Variants in CDC14A observed in about 807,000 individuals in gnomAD.
CDC14A encodes dual specificity protein phosphatase CDC14A.
CDC14A carries 53 observed loss-of-function variants against 74.4 expected under a neutral mutation model. The observed-to-expected ratio is 0.71, with a 90% CI of 0.57 to 0.89. CDC14A has a LOEUF of 0.89. Ranked by LOEUF, CDC14A falls within the 40% of genes least tolerant of loss-of-function variation. The probability of loss-of-function intolerance (pLI) is 0.00; values close to 1 mark genes in which losing one functional copy is unlikely to be tolerated. For synonymous variants in CDC14A, 247 were observed against 258.4 expected (o/e 0.96, Z 0.43); for missense variants, 646 against 713.7 (o/e 0.91, Z 1.08).
intron 6 of CDC14A, among the ~76,000 whole-genome samples, chr1:100,442,309 GTA>G (rs1413795753): frequency 6.9e-6 from 1 of 145,202 alleles, no homozygotes; most frequent in Non-Finnish European, 1.5e-5. Flanking sequence ...ATTATGTATT[GTA>G]TATATAAATA....
intron 8 of CDC14A, among the ~76,000 whole-genome samples, chr1:100,460,990 G>A (rs1030098446): frequency 2.0e-5 from 3 of 152,176 alleles, no homozygotes; most frequent in African/African-American, 7.2e-5. Flanking sequence ...GGGAAAATGG[G>A]AACCACACTA....
At position 100,424,432 on chromosome 1, in the gene CDC14A, T is replaced by C. The variant is rs1316667426; in HGVS notation, c.389+131T>C. The C allele has an allele frequency of 6.1e-6, 4 of 653,460 alleles. No homozygotes were observed. The South Asian group carries it at 7.3e-5, about 12-fold the overall frequency. The allele number at this position is 653,460 out of a possible 1,614,324, so 40.5% of individuals were successfully genotyped here. On this transcript the variant is annotated intron_variant, in intron 5 of 15. Transcript: ENST00000336454. ...TATATGGAATGAAATGAGATGGTAG[T>C]TTTTATTATTTCATTTCGTAGAGTT...
intron 11 of CDC14A, among the ~76,000 whole-genome samples, chr1:100,493,086 C>T (rs1363720139): frequency 6.6e-6 from 1 of 151,890 alleles, no homozygotes; most frequent in Admixed American, 6.6e-5. Context: ...TTATACTTAC[C>T]TGAAAGGTTG....
At chr1:100,346,076 CAGG>C (rs1262782918) in intron 1 of CDC14A, among the ~76,000 whole-genome samples, 1 of 152,226 alleles carries the variant, frequency 6.6e-6, no homozygotes, top group African/African-American at 2.4e-5. Context: ...GAGGCTGAGG[CAGG>C]AGAATTGCTT....
At chr1:100,444,689 C>G (rs952180254) in intron 7 of CDC14A, among the ~76,000 whole-genome samples, 2 of 152,186 alleles carry the variant, frequency 1.3e-5, no homozygotes, top group Non-Finnish European at 2.9e-5. Flanking sequence ...TACATCTCAC[C>G]TCTGGAGTAC....
At chr1:100,501,610 T>G (rs967466462) in intron 15 of CDC14A, among the ~76,000 whole-genome samples, 1 of 152,224 alleles carries the variant, frequency 6.6e-6, no homozygotes, top group African/African-American at 2.4e-5. Context: ...CCTATGTATA[T>G]ACTATACTGT....
intron 4 of CDC14A, among the ~76,000 whole-genome samples, chr1:100,421,013 ATAT>A (rs1662302655): frequency 6.6e-6 from 1 of 152,184 alleles, no homozygotes; most frequent in Non-Finnish European, 1.5e-5. Context: ...GTTAAATGCT[ATAT>A]TATTAATATG....
intron 15 of CDC14A, among the ~76,000 whole-genome samples, chr1:100,511,557 G>A (rs963162976): frequency 2.0e-5 from 3 of 152,176 alleles, no homozygotes; most frequent in Non-Finnish European, 4.4e-5. Context: ...GGGATAGAGA[G>A]AATACAGGTT....
At chr1:100,465,246 A>G (rs962132189) in intron 9 of CDC14A, among the ~76,000 whole-genome samples, 2 of 152,140 alleles carry the variant, frequency 1.3e-5, no homozygotes, top group African/African-American at 4.8e-5. Context: ...TACAGGTGTG[A>G]GCCACCGTAC....
intron 10 of CDC14A, 22 bp from the exon 11 acceptor site, chr1:100,484,270 T>G: frequency 2.1e-6 from 3 of 1,425,904 alleles, no homozygotes; most frequent in Non-Finnish European, 2.8e-6. Flanking sequence ...TGTCGTTTTG[T>G]TTTGTTTTGT....
intron 4 of CDC14A, among the ~76,000 whole-genome samples, chr1:100,404,814 A>G (rs924482307): frequency 5.9e-5 from 9 of 152,156 alleles, no homozygotes; most frequent in Non-Finnish European, 1.3e-4. Flanking sequence ...TGGGCAACAG[A>G]GCGAGACTCC....
intron 15 of CDC14A, among the ~76,000 whole-genome samples, chr1:100,511,122 TAACC>T (rs920208612): frequency 1.3e-5 from 2 of 152,226 alleles, no homozygotes; most frequent in African/African-American, 4.8e-5. Flanking sequence ...GAAGTTGCCC[TAACC>T]ACTTCCTTCT....
intron 15 of CDC14A, chr1:100,504,690 G>C (rs1641292167): frequency 1.4e-6 from 1 of 691,922 alleles, no homozygotes; most frequent in Non-Finnish European, 2.5e-6. Context: ...TGGTCCCTTA[G>C]TGCTAGAACA....
At chr1:100,452,468 A>T (rs1666244144) in intron 7 of CDC14A, among the ~76,000 whole-genome samples, 1 of 152,160 alleles carries the variant, frequency 6.6e-6, no homozygotes, top group South Asian at 2.1e-4. Flanking sequence ...CTGAGATCGC[A>T]CCGTTGCACT....
upstream of CDC14A, among the ~76,000 whole-genome samples, chr1:100,348,436 T>A (rs1252242163): frequency 6.6e-6 from 1 of 152,230 alleles, no homozygotes; most frequent in Non-Finnish European, 1.5e-5. Context: ...TGATAAAATT[T>A]AATTCTTTTA....
rs1177453210 is a variant in CDC14A at position 100,511,883 on chromosome 1, C to T, written c.1756-6368C>T. On this transcript the variant is annotated intron_variant, in intron 15 of 15. Transcript: ENST00000336454. ...GAGACACAGAGCTAATCAAATCCTT[C>T]TCATGTTTGGCTTTGTTCAGTGGCT... Among the ~76,000 whole-genome samples, 3 of 152,300 alleles carry T rather than the reference C, an allele frequency of 2.0e-5. No homozygotes were observed. In the East Asian group the frequency reaches 5.8e-4, roughly 29 times the overall value.
At chr1:100,454,840 C>T (rs1350650145) in intron 7 of CDC14A, among the ~76,000 whole-genome samples, 4 of 152,112 alleles carry the variant, frequency 2.6e-5, no homozygotes, top group African/African-American at 9.7e-5. Flanking sequence ...ATCTTGTTAT[C>T]CTCCAGAGTA....
chr1:100,462,037 C>T (rs1425512951), intron 8 of CDC14A, among the ~76,000 whole-genome samples: 1 of 152,134 alleles, frequency 6.6e-6, no homozygotes, highest in Non-Finnish European at 1.5e-5. Flanking sequence ...ATACTCCTTT[C>T]TAACTGAAAT....
intron 2 of CDC14A, among the ~76,000 whole-genome samples, chr1:100,363,824 G>A (rs1653152159): frequency 6.6e-6 from 1 of 152,124 alleles, no homozygotes; most frequent in African/African-American, 2.4e-5. Flanking sequence ...ATAATTTACG[G>A]AAACCTTTCT....
Sources: allele counts gnomAD v4.1 joint callset (sites outside exome capture counted in the v4.1 genomes callset), GRCh38; gene constraint gnomAD v4.1.1; transcripts MANE v1.5; gene names NCBI Gene and HGNC (gene_info 2026-07-23, HGNC 2026-07-21).